The following DMD variants were observed in gnomAD, a reference collection of about 807,000 sequenced individuals.
The protein encoded by DMD is dystrophin.
Under a neutral mutation model 330.1 loss-of-function variants are expected in DMD, and 63 were observed. The observed-to-expected ratio is 0.19, with a 90% CI of 0.16 to 0.24. DMD has a LOEUF of 0.24. Ranked by LOEUF, DMD falls within the 10% of genes least tolerant of loss-of-function variation. The pLI is 1.00. For missense variants in DMD, 3,344 were observed against 2,684.1 expected (o/e 1.25, Z -5.43); for synonymous variants, 1,223 against 959.8 (o/e 1.27, Z -5.07).
intron 55 of DMD, among the ~76,000 whole-genome samples, chrX:31,540,325 T>G (rs1331181545): frequency 2.7e-5 from 3 of 112,142 alleles, no homozygotes; most frequent in Non-Finnish European, 5.6e-5. Flanking sequence ...ACATACATGG[T>G]AATCAGGAGT....
intron 9 of DMD, among the ~76,000 whole-genome samples, chrX:32,662,223 G>T (rs1046206814): frequency 2.7e-5 from 3 of 111,058 alleles, no homozygotes; most frequent in African/African-American, 6.5e-5. Context: ...CACTAAAAAG[G>T]TCATCAAATT....
chrX:32,741,093 A>G (rs1486684381), intron 7 of DMD, among the ~76,000 whole-genome samples: 1 of 111,674 alleles, frequency 9.0e-6, no homozygotes, highest in Non-Finnish European at 1.9e-5. Flanking sequence ...GCCGAGAAGG[A>G]GGCTGGTGAT....
At chrX:31,819,618 C>A (rs1028477976) in intron 50 of DMD, among the ~76,000 whole-genome samples, 15 of 113,013 alleles carry the variant, frequency 1.3e-4, no homozygotes, top group Non-Finnish European at 2.8e-4. Context: ...CCACTGCCTG[C>A]AATTCAGGAC....
In DMD at chrX:32,595,792, C is replaced by G. The variant is rs754640902; in HGVS notation, c.1567G>C (p.Asp523His). The change falls in exon 13 of 79, where the codon GAT becomes CAT. Residue 523 changes from aspartate (D) to histidine (H), a missense_variant. Transcript: ENST00000357033. Reference protein sequence around the residue: ...MVVVVDESSGDHATAALEEQL... With the variant: ...MVVVVDESSGHHATAALEEQL... ...TCTTCCAAAGCAGCAGTTGCGTGAT[C>G]TCCACTAGATTCATCAACTACCACC... 8.3e-7 allele frequency: 1 copy of G among 1,210,263 alleles called. No homozygotes were observed. Among genetic ancestry groups the G allele is most frequent in the Admixed American group, 2.2e-5 (1 of 46,070 alleles).
intron 44 of DMD, chrX:32,155,459 A>G (rs2096826004): frequency 1.3e-6 from 1 of 751,719 alleles, no homozygotes; most frequent in South Asian, 6.8e-5. Flanking sequence ...AAGCTTTGCC[A>G]TTGCTAGTGT....
intron 44 of DMD, among the ~76,000 whole-genome samples, chrX:32,212,784 TA>T (rs1017396423): frequency 2.7e-5 from 3 of 111,783 alleles, no homozygotes; most frequent in African/African-American, 9.8e-5. Context: ...TTTTCTCAGG[TA>T]AAAAAATGGG....
intron 48 of DMD, among the ~76,000 whole-genome samples, chrX:31,853,073 G>A (rs1386231566): frequency 8.9e-6 from 1 of 111,906 alleles, no homozygotes; most frequent in Non-Finnish European, 1.9e-5. Context: ...TAGTACAGAC[G>A]GGGTTTTGCC....
intron 59 of DMD, among the ~76,000 whole-genome samples, chrX:31,455,072 G>A (rs2066067007): frequency 9.4e-6 from 1 of 106,389 alleles, no homozygotes; most frequent in African/African-American, 3.4e-5. Flanking sequence ...ACAAGCATGA[G>A]CCACCGTGCC....
At chrX:32,686,579 A>AAAAG (rs1197031739) in intron 9 of DMD, among the ~76,000 whole-genome samples, 11 of 104,724 alleles carry the variant, frequency 1.1e-4, no homozygotes, top group Non-Finnish European at 2.2e-4. Context: ...AAAAAAAAAA[A>AAAAG]AAAGAAAAGA....
At chrX:31,326,571 C>CA (rs1243375574) in intron 61 of DMD, among the ~76,000 whole-genome samples, 1 of 96,603 alleles carries the variant, frequency 1.0e-5, no homozygotes. Context: ...ATTTTATGCT[C>CA]AAAAATGTCC....
intron 60 of DMD, among the ~76,000 whole-genome samples, chrX:31,421,960 CACATATATATAT>C (rs1569540444): frequency 1.5e-3 from 120 of 81,183 alleles, no homozygotes; most frequent in African/African-American, 6.9e-3. Flanking sequence ...TATATATATA[CACATATATATAT>C]ACACATATAT....
chrX:32,547,632 A>G (rs896771137), intron 16 of DMD, among the ~76,000 whole-genome samples: 1 of 111,419 alleles, frequency 9.0e-6, no homozygotes, highest in African/African-American at 3.3e-5. Context: ...ACAATCAGTC[A>G]TGTACTAAAT....
intron 55 of DMD, among the ~76,000 whole-genome samples, chrX:31,528,591 C>T (rs1041888802): frequency 1.8e-5 from 2 of 112,367 alleles, no homozygotes; most frequent in African/African-American, 6.5e-5. Flanking sequence ...TGAGCGCACT[C>T]GAGGCGCTCA....
At chrX:33,223,827 C>T (rs2052233828) in intron 1 of DMD, among the ~76,000 whole-genome samples, 1 of 111,481 alleles carries the variant, frequency 9.0e-6, no homozygotes, top group African/African-American at 3.3e-5. Context: ...TTGCAAAAGA[C>T]ATATCAGGTA....
At chrX:31,902,156 C>T (rs994190099) in intron 47 of DMD, among the ~76,000 whole-genome samples, 1 of 111,781 alleles carries the variant, frequency 8.9e-6, no homozygotes, top group African/African-American at 3.2e-5. Flanking sequence ...TTCTGTCAAT[C>T]AACAACAATC....
At chrX:31,471,244 C>T (rs1190675626) in intron 59 of DMD, among the ~76,000 whole-genome samples, 1 of 111,503 alleles carries the variant, frequency 9.0e-6, no homozygotes, top group Non-Finnish European at 1.9e-5. Context: ...AAACAGCTGC[C>T]CAATTTTGTG....
chrX:32,219,120 T>C (rs901078042), intron 43 of DMD, among the ~76,000 whole-genome samples: 1 of 112,096 alleles, frequency 8.9e-6, no homozygotes, highest in African/African-American at 3.2e-5. Context: ...TAACTGTAGT[T>C]AGTGAAAAAT....
chrX:32,143,108 T>C (rs779914389), intron 44 of DMD, among the ~76,000 whole-genome samples: 1 of 110,515 alleles, frequency 9.0e-6, no homozygotes, highest in African/African-American at 3.3e-5. Context: ...GTTATGTTCA[T>C]GTATTACTTG....
chrX:32,990,062 T>C (rs2092936679), intron 2 of DMD, among the ~76,000 whole-genome samples: 1 of 112,108 alleles, frequency 8.9e-6, no homozygotes, highest in Non-Finnish European at 1.9e-5. Flanking sequence ...CATAGAAATG[T>C]AACTCCTTGA....
Sources: allele counts gnomAD v4.1 joint callset (sites outside exome capture counted in the v4.1 genomes callset), GRCh38; gene constraint gnomAD v4.1.1; transcripts MANE v1.5; gene names NCBI Gene and HGNC (gene_info 2026-07-23, HGNC 2026-07-21).